The following STK3 variants were observed in gnomAD, a reference collection of about 807,000 sequenced individuals.
STK3 encodes serine/threonine kinase 3, also known as serine/threonine-protein kinase 3.
A neutral mutation model predicts 58.0 loss-of-function variants in STK3; 41 were observed. The ratio of observed to expected loss-of-function variants is 0.71; its 90% CI spans 0.55 to 0.92. The LOEUF (loss-of-function observed/expected upper bound fraction) is 0.92. Ranked by LOEUF, STK3 falls within the 40% of genes least tolerant of loss-of-function variation. STK3 has a pLI of 0.00. For synonymous variants in STK3, 170 were observed against 191.0 expected (o/e 0.89, Z 0.91); for missense variants, 479 against 602.7 (o/e 0.79, Z 2.15).
chr8:98,923,854 TGCGCGCGCGCGCGC>T (rs3029998), intron 1 of STK3, among the ~76,000 whole-genome samples: 42 of 113,694 alleles, frequency 3.7e-4, no homozygotes, highest in East Asian at 4.7e-4. Context: ...TGTGTGTGTG[TGCGCGCGCGCGCGC>T]GCGCGCGCGT....
chr8:98,569,659 A>C (rs1812800743), intron 8 of STK3, among the ~76,000 whole-genome samples: 1 of 152,122 alleles, frequency 6.6e-6, no homozygotes, highest in African/African-American at 2.4e-5. Context: ...AATCACAAAA[A>C]GAAATAACAT....
At chr8:98,486,268 C>T (rs1048592373) in intron 10 of STK3, among the ~76,000 whole-genome samples, 30 of 152,268 alleles carry the variant, frequency 2.0e-4, no homozygotes, top group Middle Eastern at 3.4e-3. Context: ...CATGTCAACA[C>T]ACTTATTTAT....
chr8:98,899,682 C>G lies in STK3; in HGVS notation c.-78-15848G>C, dbSNP rs141144833. The stretch of plus-strand genomic sequence containing the variant: ...CCATGGGTGCTGGGGGATAACTGTA[C>G]TTTATTCTGTGCCAAGGGCATGATA... On this transcript the variant is annotated intron_variant, in intron 1 of 1. Transcript: ENST00000519420. 7.7e-4 allele frequency among the ~76,000 whole-genome samples: 117 copies of G among 152,228 alleles called. 1 individual carries two copies. The East Asian group carries it at 0.021, about 27-fold the overall frequency.
chr8:98,463,949 T>C (rs192221652), intron 10 of STK3, among the ~76,000 whole-genome samples: 1 of 152,312 alleles, frequency 6.6e-6, no homozygotes, highest in East Asian at 1.9e-4. Context: ...GTCTTACATG[T>C]TAATGTTAAC....
chr8:98,461,493 C>T (rs1489516245), intron 10 of STK3, among the ~76,000 whole-genome samples: 1 of 152,170 alleles, frequency 6.6e-6, no homozygotes, highest in Non-Finnish European at 1.5e-5. Flanking sequence ...AACATTAATA[C>T]TGAAATGTGA....
At chr8:98,709,092 A>T (rs1038470268) in intron 4 of STK3, among the ~76,000 whole-genome samples, 6 of 152,108 alleles carry the variant, frequency 3.9e-5, no homozygotes, top group African/African-American at 1.4e-4. Flanking sequence ...TATGTAACAG[A>T]ATCAACCATA....
At chr8:98,709,303 A>T (rs1348967202) in intron 4 of STK3, among the ~76,000 whole-genome samples, 2 of 152,202 alleles carry the variant, frequency 1.3e-5, no homozygotes, top group Admixed American at 6.5e-5. Flanking sequence ...ATTTTACTGA[A>T]GTCTAAATGA....
chr8:98,829,404 T>C (rs1413244593), upstream of STK3, among the ~76,000 whole-genome samples: 1 of 152,220 alleles, frequency 6.6e-6, no homozygotes, highest in Non-Finnish European at 1.5e-5. Flanking sequence ...TGATCTTGAC[T>C]GATACACCCA....
At chr8:98,477,702 C>CGGTG in intron 10 of STK3, among the ~76,000 whole-genome samples, 1 of 2,280 alleles carries the variant, frequency 4.4e-4, no homozygotes, top group Admixed American at 7.5e-3. Context: ...TCACACTTGG[C>CGGTG]GGGGGGGGGG....
chr8:98,604,388 G>A (rs1172123787), intron 6 of STK3, among the ~76,000 whole-genome samples: 1 of 152,210 alleles, frequency 6.6e-6, no homozygotes, highest in Non-Finnish European at 1.5e-5. Context: ...CCCTGAGGCT[G>A]CTCTCATGGG....
intron 4 of STK3, among the ~76,000 whole-genome samples, chr8:98,711,634 T>A (rs1394988942): frequency 6.6e-6 from 1 of 151,626 alleles, no homozygotes; most frequent in African/African-American, 2.4e-5. Flanking sequence ...TGGGACTAGG[T>A]GAAAAGACCA....
chr8:98,358,812 A>G, the STK3 span, among the ~76,000 whole-genome samples: 2 of 152,152 alleles, frequency 1.3e-5, no homozygotes, highest in Non-Finnish European at 2.9e-5. Flanking sequence ...TAGAAAGTTA[A>G]TGGGCAAGAC....
chr8:98,361,051 C>CT, the STK3 span, among the ~76,000 whole-genome samples: 1 of 152,180 alleles, frequency 6.6e-6, no homozygotes, highest in African/African-American at 2.4e-5. Flanking sequence ...TGATAATCTG[C>CT]TATTTTCACA....
chr8:98,493,926 A>G (rs958805276), intron 10 of STK3, among the ~76,000 whole-genome samples: 1 of 152,198 alleles, frequency 6.6e-6, no homozygotes, highest in Non-Finnish European at 1.5e-5. Context: ...CTTACTTCCC[A>G]GATCTAATCA....
chr8:98,580,773 C>T (rs1427086505), intron 7 of STK3, among the ~76,000 whole-genome samples: 1 of 152,104 alleles, frequency 6.6e-6, no homozygotes, highest in Non-Finnish European at 1.5e-5. Flanking sequence ...CCACTGCACC[C>T]AGCCCTGAGT....
At chr8:98,546,187 A>T (rs1453157297) in intron 9 of STK3, among the ~76,000 whole-genome samples, 1 of 152,170 alleles carries the variant, frequency 6.6e-6, no homozygotes, top group East Asian at 1.9e-4. Flanking sequence ...AAAAAGTCAT[A>T]CCTATACAAT....
upstream of STK3, among the ~76,000 whole-genome samples, chr8:98,393,056 T>A (rs1787886627): frequency 6.6e-6 from 1 of 152,148 alleles, no homozygotes; most frequent in Non-Finnish European, 1.5e-5. Context: ...CAAGGGCAAC[T>A]TACTTGCCTC....
At chr8:98,618,111 C>G (rs1366212291) in intron 6 of STK3, among the ~76,000 whole-genome samples, 2 of 151,672 alleles carry the variant, frequency 1.3e-5, no homozygotes, top group Non-Finnish European at 2.9e-5. Flanking sequence ...AAAGCTTATC[C>G]ACCATGATCA....
In STK3 at chr8:98,909,526, C is replaced by G. The variant is rs146180838; in HGVS notation, c.-78-25692G>C. Among the ~76,000 whole-genome samples, 10 of 152,318 alleles carry G rather than the reference C, an allele frequency of 6.6e-5. No individual in the cohort carries two copies. In the East Asian group the frequency reaches 1.9e-3, roughly 29 times the overall value. On this transcript the variant is annotated intron_variant, in intron 1 of 1. Coordinates refer to the STK3 transcript ENST00000519420. ...CCTCCTTATCTACCCATCCCCTCCC[C>G]CAGGCCCAAGTAACCTATGATCTAA...
Sources: allele counts gnomAD v4.1 joint callset (sites outside exome capture counted in the v4.1 genomes callset), GRCh38; gene constraint gnomAD v4.1.1; transcripts MANE v1.5; gene names NCBI Gene and HGNC (gene_info 2026-07-23, HGNC 2026-07-21).